The following SP100 variants were observed in gnomAD, a reference collection of about 807,000 sequenced individuals.
SP100 encodes the protein SP100 nuclear body protein.
SP100 carries 84 observed loss-of-function variants against 130.0 expected under a neutral mutation model. The ratio of observed to expected loss-of-function variants is 0.65; its 90% CI spans 0.54 to 0.77. The LOEUF (loss-of-function observed/expected upper bound fraction) is 0.77. Among genes scored for constraint, SP100 ranks in the 30% least tolerant of loss-of-function variants. The pLI is 0.00. For missense variants in SP100, 978 were observed against 1,052.2 expected, an observed-to-expected ratio of 0.93 and a Z score of 0.97; for synonymous variants, 331 against 351.7, an observed-to-expected ratio of 0.94 and a Z score of 0.66.
At chr2:230,417,020 A>T (rs1194340488) in intron 1 of SP100, 2 of 353,256 alleles carry the variant, frequency 5.7e-6, no homozygotes, top group Non-Finnish European at 7.9e-6. Context: ...AATCTTTTAA[A>T]TTTTTTAATA....
intron 24 of SP100, chr2:230,515,749 T>C: frequency 6.6e-7 from 1 of 1,510,676 alleles, no homozygotes; most frequent in South Asian, 1.4e-5. Flanking sequence ...GTAAGATTTG[T>C]TTTTAAACCG....
intron 24 of SP100, among the ~76,000 whole-genome samples, chr2:230,520,142 G>A (rs1357514958): frequency 6.6e-6 from 1 of 152,186 alleles, no homozygotes; most frequent in Non-Finnish European, 1.5e-5. Context: ...GGGTATTCAT[G>A]GACAAGAGAT....
chr2:230,466,238 G>C (rs1175561371), intron 11 of SP100, 63 bp from the exon 12 acceptor site: 1 of 843,694 alleles, frequency 1.2e-6, no homozygotes, highest in African/African-American at 1.8e-5. Context: ...TGCCATGTCA[G>C]TTGTCATAGA....
At chr2:230,426,361 T>C (rs1284524968) in intron 2 of SP100, among the ~76,000 whole-genome samples, 1 of 152,222 alleles carries the variant, frequency 6.6e-6, no homozygotes, top group African/African-American at 2.4e-5. Context: ...CTAATGTAGG[T>C]GTTTATAGCT....
chr2:230,484,116 A>T (rs1033024270), intron 17 of SP100, among the ~76,000 whole-genome samples: 1 of 152,230 alleles, frequency 6.6e-6, no homozygotes, highest in Non-Finnish European at 1.5e-5. Flanking sequence ...TTATATAGTG[A>T]AATTACCAAC....
chr2:230,510,430 C>A (rs187249127), intron 23 of SP100: 1 of 135,054 alleles, frequency 7.4e-6, no homozygotes, highest in Non-Finnish European at 1.5e-5. Flanking sequence ...GAGGAAGAGT[C>A]GGCCGATTCC....
At chr2:230,535,997 G>A (rs534643026) in intron 24 of SP100, among the ~76,000 whole-genome samples, 2 of 149,512 alleles carry the variant, frequency 1.3e-5, no homozygotes, top group African/African-American at 4.9e-5. Context: ...CCAGGGCTTT[G>A]ACTGAAATGG....
At chr2:230,535,795 T>C (rs1691908715) in intron 24 of SP100, among the ~76,000 whole-genome samples, 1 of 147,858 alleles carries the variant, frequency 6.8e-6, no homozygotes, top group Admixed American at 7.0e-5. Context: ...TCGTCCCAGC[T>C]ACTCGGGAGG....
intron 24 of SP100, among the ~76,000 whole-genome samples, chr2:230,516,988 T>G (rs1690949019): frequency 6.6e-6 from 1 of 152,162 alleles, no homozygotes; most frequent in Non-Finnish European, 1.5e-5. Context: ...TAATCAAAAT[T>G]ATGACTGATA....
intron 24 of SP100, among the ~76,000 whole-genome samples, chr2:230,531,504 C>CGTT (rs1221852299): frequency 6.6e-6 from 1 of 151,354 alleles, no homozygotes; most frequent in Non-Finnish European, 1.5e-5. Context: ...CAAACCTGCA[C>CGTT]GTTGTGCACA....
chr2:230,440,257 A>G (rs182716524), intron 2 of SP100, among the ~76,000 whole-genome samples: 10 of 152,220 alleles, frequency 6.6e-5, no homozygotes, highest in Admixed American at 3.3e-4. Context: ...TCTTTAAAAT[A>G]CAAAGGAAAT....
chr2:230,418,935 TG>T (rs1180190161), intron 2 of SP100, among the ~76,000 whole-genome samples: 1 of 152,156 alleles, frequency 6.6e-6, no homozygotes, highest in Non-Finnish European at 1.5e-5. Flanking sequence ...CAAATTTGCC[TG>T]TCAAAATCTC....
chr2:230,429,293 A>C (rs2063031537), intron 2 of SP100, among the ~76,000 whole-genome samples: 1 of 152,194 alleles, frequency 6.6e-6, no homozygotes, highest in Non-Finnish European at 1.5e-5. Flanking sequence ...TCCTGGGCTG[A>C]GAGGAGGAGG....
chr2:230,510,846 G>A lies in SP100; in HGVS notation c.2053-279G>A, dbSNP rs574369914. The A allele has an allele frequency of 4.9e-4, 233 of 478,736 alleles. 1 individual carries two copies. Among genetic ancestry groups the A allele is most frequent in the Non-Finnish European group, 6.6e-4 (175 of 266,062 alleles). The allele number at this position is 478,736 out of a possible 1,614,324, so 29.7% of individuals were successfully genotyped here. On this transcript the variant is annotated intron_variant, in intron 23 of 28. Transcript: ENST00000340126. Reference sequence around the variant, plus strand: ...GCAGGCCCCTTGAAGTAGGAGGACCGATAGAGTTGCTCCAGCTCAGTCTCC... The same window carrying A: ...GCAGGCCCCTTGAAGTAGGAGGACCAATAGAGTTGCTCCAGCTCAGTCTCC...
Position 230,515,789 on chromosome 2 carries a change from C to T in SP100, c.2094+4623C>T, listed in dbSNP as rs1690885183. ...CTGTGTTTTTTTGTATAGTTAACCACTACCGAATGTGTCTTCAGATAGCCC... is the reference window on the plus strand; with the variant it reads ...CTGTGTTTTTTTGTATAGTTAACCATTACCGAATGTGTCTTCAGATAGCCC... On this transcript the variant is annotated intron_variant, in intron 24 of 28. Coordinates refer to ENST00000340126, the MANE Select transcript of SP100 (RefSeq NM_001080391.2). 1.4e-5 allele frequency: 20 copies of T among 1,471,332 alleles called. 1 individual carries two copies. In the South Asian group the frequency reaches 2.0e-4, roughly 15 times the overall value. 91.1% of individuals were successfully genotyped at this position (1,471,332 alleles called of 1,614,324 possible).
intron 7 of SP100, among the ~76,000 whole-genome samples, 174 bp downstream of exon 7, chr2:230,449,884 G>A (rs2063888863): frequency 6.6e-6 from 1 of 152,168 alleles, no homozygotes; most frequent in African/African-American, 2.4e-5. Flanking sequence ...ACATACTGAT[G>A]ACAAAGACCT....
In SP100 at chr2:230,541,964, ATGT is replaced by A; in HGVS notation, c.2477_2479del (p.Met826_Tyr827delinsAsn). The A allele has an allele frequency of 2.5e-6, 4 of 1,614,106 alleles. No homozygotes were observed. Among genetic ancestry groups the A allele is most frequent in the Non-Finnish European group, 3.4e-6 (4 of 1,179,960 alleles). On this transcript the variant is annotated inframe_deletion, in exon 28 of 29. Coordinates refer to ENST00000340126, the MANE Select transcript of SP100 (RefSeq NM_001080391.2). ...AGTCAAGACAAGTTTGAATGAGCAG[ATGT>A]ACACCCGAGTAGAAGGGTTTGTGCA...
At chr2:230,442,308 C>G (rs2063499725) in intron 2 of SP100, among the ~76,000 whole-genome samples, 2 of 152,002 alleles carry the variant, frequency 1.3e-5, no homozygotes, top group Non-Finnish European at 2.9e-5. Flanking sequence ...AATGATTCAC[C>G]ATATATAGCA....
chr2:230,464,277 T>G (rs1287316784), intron 11 of SP100, 127 bp downstream of exon 11: 1 of 639,622 alleles, frequency 1.6e-6, no homozygotes, highest in Admixed American at 2.7e-5. Flanking sequence ...TTCTAGAATA[T>G]CACTTTCTAC....
Sources: gnomAD v4.1 joint callset for allele counts (sites outside exome capture counted in the v4.1 genomes callset) on GRCh38, gnomAD v4.1.1 for gene constraint, MANE v1.5 for transcripts, NCBI Gene and HGNC (gene_info 2026-07-23, HGNC 2026-07-21) for gene names.